SERPINA11: variants seen among roughly 807,000 people sequenced by gnomAD.
SERPINA11 encodes the protein serpin A11.
In SERPINA11, 28 loss-of-function variants were observed where a neutral mutation model predicts 29.4. The observed-to-expected ratio is 0.95, with a 90% CI of 0.70 to 1.30. The LOEUF is 1.30. SERPINA11 is among the 50% of genes most tolerant of loss of function. The probability of loss-of-function intolerance (pLI) is 0.00; values close to 1 mark genes in which losing one functional copy is unlikely to be tolerated. For synonymous variants in SERPINA11, 253 were observed against 206.6 expected (o/e 1.22, Z -1.92); for missense variants, 530 against 507.3 (o/e 1.04, Z -0.43).
At chr14:94,449,404 CT>C (rs1465786668) in intron 1 of SERPINA11, among the ~76,000 whole-genome samples, 2 of 31,530 alleles carry the variant, frequency 6.3e-5, no homozygotes, top group African/African-American at 1.0e-4. Context: ...TTCTTTCTTT[CT>C]ATTCTTTCTT....
rs1410067733 is a variant in SERPINA11 at position 94,443,233 on chromosome 14, G to T, written c.918-8C>A. The T allele has an allele frequency of 6.2e-7, 1 of 1,610,600 alleles. No homozygotes were observed. Among genetic ancestry groups the T allele is most frequent in the South Asian group, 1.1e-5 (1 of 90,184 alleles). ...AAGTGCAAATCCAACAGACTGGAGA[G>T]AGAAACAGACAGAGAAATGGTGCTC... On this transcript the variant is annotated splice_region_variant and splice_polypyrimidine_tract_variant and intron_variant, in intron 3 of 4. Transcript: ENST00000334708.
At chr14:94,444,784 G>C (rs941992313) in intron 3 of SERPINA11, among the ~76,000 whole-genome samples, 1 of 152,320 alleles carries the variant, frequency 6.6e-6, no homozygotes, top group East Asian at 1.9e-4. Flanking sequence ...GGGGTGGCTA[G>C]TGCCTCCCAG....
At position 94,447,142 on chromosome 14, in the gene SERPINA11, T is replaced by C. The variant is rs76980206; in HGVS notation, c.644-538A>G. On this transcript the variant is annotated intron_variant, in intron 2 of 4. Coordinates refer to ENST00000334708, the MANE Select transcript of SERPINA11 (RefSeq NM_001080451.2). ...ACTCACCCACTCCAACTCCCTAATCTTCAAACTGAAAAAGGAAAAAGAATT... is the reference window on the plus strand; with the variant it reads ...ACTCACCCACTCCAACTCCCTAATCCTCAAACTGAAAAAGGAAAAAGAATT... 4.2e-3 allele frequency among the ~76,000 whole-genome samples: 642 copies of C among 152,230 alleles called. 6 individuals are homozygous for C. The highest frequency in any genetic ancestry group is 0.015 in the African/African-American group (610 of 41,550).
rs768318877 is a variant in SERPINA11 at position 94,448,339 on chromosome 14, G to A, written c.436C>T (p.Arg146Ter). The change falls in exon 2 of 5, where the codon CGA becomes TGA. Residue 146 changes from arginine to a stop codon, truncating the protein, a stop_gained. Transcript: ENST00000334708. LOFTEE classifies it high-confidence loss of function. Reference protein sequence around the residue: ...KVGNSLFLDKRLKPRQHYLDS... With the variant: ...KVGNSLFLDK The stretch of plus-strand genomic sequence containing the variant: ...AAATAGTGCTGCCGAGGCTTTAGTC[G>A]CTTGTCTAGGAACAGGGAGTTTCCT... The A allele has an allele frequency of 6.8e-6, 11 of 1,614,126 alleles. No individual in the cohort carries two copies. The highest frequency in any genetic ancestry group is 5.3e-5 in the African/African-American group (4 of 74,948).
intron 1 of SERPINA11, among the ~76,000 whole-genome samples, chr14:94,451,932 T>A (rs779275118): frequency 6.6e-6 from 1 of 152,216 alleles, no homozygotes; most frequent in African/African-American, 2.4e-5. Flanking sequence ...TCGTGAAGTA[T>A]AATATTCTCA....
At chr14:94,444,018 C>A (rs1230376456) in intron 3 of SERPINA11, among the ~76,000 whole-genome samples, 1 of 152,184 alleles carries the variant, frequency 6.6e-6, no homozygotes, top group Non-Finnish European at 1.5e-5. Flanking sequence ...CTCAGAAAAT[C>A]GAATTCAGGT....
intron 1 of SERPINA11, among the ~76,000 whole-genome samples, chr14:94,449,061 C>T (rs1488899327): frequency 6.6e-6 from 1 of 152,198 alleles, no homozygotes; most frequent in East Asian, 1.9e-4. Context: ...ACAACAATGG[C>T]AACTCCTGGC....
chr14:94,447,163 G>T (rs1898460606), intron 2 of SERPINA11, among the ~76,000 whole-genome samples: 1 of 152,146 alleles, frequency 6.6e-6, no homozygotes, highest in Non-Finnish European at 1.5e-5. Flanking sequence ...AAAGGAAAAA[G>T]AATTCAATTA....
At chr14:94,451,706 C>T (rs941127400) in intron 1 of SERPINA11, among the ~76,000 whole-genome samples, 1 of 152,196 alleles carries the variant, frequency 6.6e-6, no homozygotes, top group African/African-American at 2.4e-5. Context: ...GTCTGAAACT[C>T]AGTGTCTCCC....
intron 1 of SERPINA11, among the ~76,000 whole-genome samples, chr14:94,449,449 C>G (rs1400709270): frequency 8.9e-6 from 1 of 112,146 alleles, no homozygotes; most frequent in Non-Finnish European, 1.7e-5. Flanking sequence ...TTCTTTCTTT[C>G]TTTCTTTCTT....
At chr14:94,451,013 C>T (rs968686542) in intron 1 of SERPINA11, among the ~76,000 whole-genome samples, 4 of 152,180 alleles carry the variant, frequency 2.6e-5, no homozygotes, top group African/African-American at 2.4e-5. Flanking sequence ...ACTCTTCCAC[C>T]GTTCCATTCA....
At chr14:94,447,762 A>G (rs10129365) in intron 2 of SERPINA11, among the ~76,000 whole-genome samples, 21,567 of 133,558 alleles carry the variant, frequency 0.16, 5,001 homozygotes, top group African/African-American at 0.49. Context: ...TAGATATGCT[A>G]GTTTTTTTCA....
intron 3 of SERPINA11, 142 bp from the exon 4 acceptor site, chr14:94,443,367 A>G: frequency 9.9e-6 from 7 of 709,094 alleles, no homozygotes; most frequent in South Asian, 1.9e-5. Flanking sequence ...ACTGTTCACT[A>G]TGGCGGACCA....
At chr14:94,451,885 T>C (rs1406806053) in intron 1 of SERPINA11, among the ~76,000 whole-genome samples, 1 of 152,226 alleles carries the variant, frequency 6.6e-6, no homozygotes, top group Non-Finnish European at 1.5e-5. Context: ...TTAATTCCTC[T>C]TCCAGAAAGA....
intron 3 of SERPINA11, among the ~76,000 whole-genome samples, chr14:94,445,286 T>G (rs1225413095): frequency 6.6e-6 from 1 of 152,134 alleles, no homozygotes; most frequent in East Asian, 1.9e-4. Flanking sequence ...GGGTGGCTTG[T>G]TATGCAGCAA....
intron 1 of SERPINA11, among the ~76,000 whole-genome samples, chr14:94,449,549 C>CTCTT (rs1263623725): frequency 0.039 from 5,170 of 132,644 alleles, 701 homozygotes; most frequent in African/African-American, 0.15. Context: ...CTTTCTCTTT[C>CTCTT]TCTTTCTTTC....
chr14:94,447,323 T>A (rs1224562753), intron 2 of SERPINA11, among the ~76,000 whole-genome samples: 1 of 152,220 alleles, frequency 6.6e-6, no homozygotes, highest in Non-Finnish European at 1.5e-5. Flanking sequence ...CACTCTGGTC[T>A]TGATAACAGG....
intron 2 of SERPINA11, 94 bp downstream of exon 2, chr14:94,448,038 A>C: frequency 8.2e-7 from 1 of 1,218,920 alleles, no homozygotes; most frequent in South Asian, 1.4e-5. Context: ...AGATTTCCCC[A>C]AGTGGTTAGC....
At chr14:94,450,351 A>G (rs958045724) in intron 1 of SERPINA11, among the ~76,000 whole-genome samples, 1 of 152,200 alleles carries the variant, frequency 6.6e-6, no homozygotes, top group Non-Finnish European at 1.5e-5. Flanking sequence ...TCCTAATCCA[A>G]TATGACTGAT....
Sources: gnomAD v4.1 joint callset for allele counts (sites outside exome capture counted in the v4.1 genomes callset) on GRCh38, gnomAD v4.1.1 for gene constraint, MANE v1.5 for transcripts, NCBI Gene and HGNC (gene_info 2026-07-23, HGNC 2026-07-21) for gene names.